The following DHRS4 variants were observed in gnomAD, a reference collection of about 807,000 sequenced individuals.
The protein encoded by DHRS4 is dehydrogenase/reductase SDR family member 4.
DHRS4 carries 20 observed loss-of-function variants against 28.4 expected under a neutral mutation model. The observed-to-expected ratio is 0.71, with a 90% CI of 0.50 to 1.02. DHRS4 has a LOEUF of 1.02. DHRS4 is among the 50% of genes least tolerant of loss of function. The pLI is 0.00. For missense variants in DHRS4, 378 were observed against 367.2 expected, an observed-to-expected ratio of 1.03 and a Z score of -0.24; for synonymous variants, 144 against 146.4, an observed-to-expected ratio of 0.98 and a Z score of 0.12.
At chr14:23,963,284 G>T (rs139045649) in intron 3 of DHRS4, among the ~76,000 whole-genome samples, 1 of 111,558 alleles carries the variant, frequency 9.0e-6, no homozygotes, top group Non-Finnish European at 1.7e-5. Context: ...CTCCTCTCTA[G>T]CTATTAAAGC....
Position 23,965,764 on chromosome 14 carries a change from T to C in DHRS4, c.411T>C (p.Thr137=). ...MDVTEEVWDK[T]LDINVKAPAL... is the part of the protein sequence containing the mutation. ...TCCCCTTCTTCTCTTGGCTTCAGACTCTGGACATTAATGTGAAGGCCCCAG... is the reference window on the plus strand; with the variant it reads ...TCCCCTTCTTCTCTTGGCTTCAGACCCTGGACATTAATGTGAAGGCCCCAG... Residue 137 remains threonine, a splice_region_variant and synonymous_variant, in exon 4 of 8, where the codon ACT becomes ACC. Coordinates refer to ENST00000313250, the MANE Select transcript of DHRS4 (RefSeq NM_021004.4). 1 of 1,601,698 alleles carries C rather than the reference T, an allele frequency of 6.2e-7. No homozygotes were observed. The highest frequency in any genetic ancestry group is 8.5e-7 in the Non-Finnish European group (1 of 1,172,178).
At chr14:23,964,946 A>G (rs2138469765) in intron 3 of DHRS4, among the ~76,000 whole-genome samples, 1 of 149,786 alleles carries the variant, frequency 6.7e-6, no homozygotes, top group Non-Finnish European at 1.5e-5. Flanking sequence ...ATTTTATTAT[A>G]TAAAATCTTT....
In DHRS4 at chr14:23,966,041, C is replaced by A; in HGVS notation, c.531+58C>A. 9 of 1,607,878 alleles carry A rather than the reference C, an allele frequency of 5.6e-6. No individual in the cohort carries two copies. The Admixed American group carries it at 1.0e-4, about 18-fold the overall frequency. On this transcript the variant is annotated intron_variant, in intron 5 of 7. Transcript: ENST00000313250. ...ACCCTCCACTCCACATCTTTCCACC[C>A]CTCCTATTACCCAAGGAAGTTTGTG...
intron 2 of DHRS4, among the ~76,000 whole-genome samples, chr14:23,956,327 A>G (rs192690455): frequency 0.013 from 1,932 of 152,294 alleles, 45 homozygotes; most frequent in African/African-American, 0.044. Context: ...ATCCTCCCGG[A>G]AAAACATCCT....
At chr14:23,956,330 A>T (rs973950602) in intron 2 of DHRS4, among the ~76,000 whole-genome samples, 23 of 152,212 alleles carry the variant, frequency 1.5e-4, no homozygotes, top group African/African-American at 5.5e-4. Context: ...CTCCCGGAAA[A>T]ACATCCTGTG....
Position 23,953,861 on chromosome 14 carries a change from AC to A in DHRS4, c.76del (p.Arg26AlafsTer12). 3 of 1,611,594 alleles carry A rather than the reference AC, an allele frequency of 1.9e-6. No homozygotes were observed. The highest frequency in any genetic ancestry group is 1.7e-6 in the Non-Finnish European group (2 of 1,178,964). On this transcript the variant is annotated frameshift_variant, in exon 1 of 8. Coordinates refer to ENST00000313250, the MANE Select transcript of DHRS4 (RefSeq NM_021004.4). LOFTEE classifies it high-confidence loss of function. ...NSVRMASSGM[T>X]RRDPLANKVA... ...GGTGCGGATGGCCAGCTCCGGGATGACCCGCCGGGACCCGCTCGCAAATAAG... is the reference window on the plus strand; with the variant it reads ...GGTGCGGATGGCCAGCTCCGGGATGACCGCCGGGACCCGCTCGCAAATAAG...
rs928674946 is a variant in DHRS4, at chr14:23,961,794, T to A, written c.408+1791T>A. 2.9e-5 allele frequency among the ~76,000 whole-genome samples: 4 copies of A among 137,100 alleles called. 1 individual carries two copies. The East Asian group carries it at 9.5e-4, about 33-fold the overall frequency. 89.9% of individuals were successfully genotyped at this position (137,100 alleles called of 152,430 possible). A position where few individuals can be genotyped will look rare whatever the true frequency, so the allele number is the denominator to read the frequency against. ...CCCCAAAATATTGGGATTGCAGGCA[T>A]GAGCCACCACACACAGCCAGATTCT... is the stretch of plus-strand genomic sequence containing the variant. On this transcript the variant is annotated intron_variant, in intron 3 of 7. Transcript: ENST00000313250.
chr14:23,966,175 C>T lies in DHRS4; in HGVS notation c.532-108C>T. On this transcript the variant is annotated intron_variant, in intron 5 of 7. Transcript: ENST00000313250. Reference sequence around the variant, plus strand: ...GCCACAAGACAGTTCCCTAACTCTGCCCCTCCCTTACAGGAGATCCCTATT... The same window carrying T: ...GCCACAAGACAGTTCCCTAACTCTGTCCCTCCCTTACAGGAGATCCCTATT... The T allele has an allele frequency of 4.4e-6, 7 of 1,574,190 alleles. No homozygotes were observed. In the South Asian group the frequency reaches 7.2e-5, roughly 16 times the overall value.
At chr14:23,966,554 C>G in intron 6 of DHRS4, 137 bp downstream of exon 6, 1 of 1,387,434 alleles carries the variant, frequency 7.2e-7, no homozygotes, top group South Asian at 1.4e-5. Context: ...TATTCCCTCT[C>G]TGTACCACCT....
rs199511608 is a variant in DHRS4, at chr14:23,969,048, T to C, written c.*177T>C. The C allele has an allele frequency of 2.9e-4, 386 of 1,321,770 alleles. 1 individual carries two copies. Among genetic ancestry groups the C allele is most frequent in the East Asian group, 1.6e-3 (60 of 37,696 alleles). 81.9% of individuals were successfully genotyped at this position (1,321,770 alleles called of 1,614,324 possible). On this transcript the variant is annotated 3_prime_UTR_variant, in exon 8 of 8. Transcript: ENST00000313250. ...TCAAGGTGGCGTCTTACTCGGGATT[T>C]CTGCTGTTGTTGTGGCCTTGGGTAA...
intron 3 of DHRS4, among the ~76,000 whole-genome samples, chr14:23,962,847 G>A (rs915945512): frequency 2.7e-5 from 4 of 149,408 alleles, no homozygotes; most frequent in African/African-American, 1.0e-4. Context: ...CTTACAAAAT[G>A]TATTTCTTAA....
At position 23,968,858 on chromosome 14, in the gene DHRS4, C is replaced by A. The variant is rs1390784464; in HGVS notation, c.824C>A (p.Pro275Gln). The change falls in exon 8 of 8, where the codon CCG becomes CAG. Residue 275 changes from proline to glutamine, a missense_variant. By Grantham distance (76) the Pro-to-Gln change is moderately conservative (BLOSUM62 -1). Transcript: ENST00000313250. The part of the protein sequence containing the change: ...GETVVVGGGT[P>Q]SRL ...ACAGTGGTGGTGGGTGGAGGAACCC[C>A]GTCCCGCCTCTGAGGACCGGGAGAC... The A allele has an allele frequency of 6.2e-7, 1 of 1,607,274 alleles. No individual in the cohort carries two copies. The highest frequency in any genetic ancestry group is 8.5e-7 in the Non-Finnish European group (1 of 1,177,014).
intron 3 of DHRS4, among the ~76,000 whole-genome samples, chr14:23,964,895 T>C (rs1159647995): frequency 3.2e-4 from 48 of 151,296 alleles, no homozygotes; most frequent in Non-Finnish European, 1.2e-4. Flanking sequence ...GTTTTTTTTT[T>C]TTAATTTACA....
rs1448106141 is a variant in DHRS4 at position 23,969,152 on chromosome 14, G to T, written c.*281G>T. The T allele has an allele frequency of 2.2e-6, 1 of 448,288 alleles. No homozygotes were observed. Among genetic ancestry groups the T allele is most frequent in the Admixed American group, 4.5e-5 (1 of 22,456 alleles). 27.8% of individuals were successfully genotyped at this position (448,288 alleles called of 1,614,324 possible). Reference sequence around the variant, plus strand: ...GGCAAAGACCAAGATATTTTTTCCCGGGCCACTGGGGAATCTGAGGGGTGA... The same window carrying T: ...GGCAAAGACCAAGATATTTTTTCCCTGGCCACTGGGGAATCTGAGGGGTGA... On this transcript the variant is annotated 3_prime_UTR_variant, in exon 8 of 8. Transcript: ENST00000313250.
chr14:23,968,716 G>A (rs1473705679), intron 7 of DHRS4, 41 bp from the exon 8 acceptor site: 3 of 1,603,356 alleles, frequency 1.9e-6, no homozygotes, highest in South Asian at 2.2e-5. Context: ...AGGCAGAACT[G>A]TTTGATTTTT....
intron 3 of DHRS4, among the ~76,000 whole-genome samples, chr14:23,962,293 CT>C: frequency 9.0e-6 from 1 of 111,658 alleles, no homozygotes; most frequent in African/African-American, 3.3e-5. Flanking sequence ...TTGACTCTTC[CT>C]TTCACAAGAG....
rs2033343264 is a variant in DHRS4 at position 23,959,972 on chromosome 14, T to A, written c.377T>A (p.Ile126Lys). Reference protein sequence around the residue: ...NAAVNPFFGSIMDVTEEVWDK... With the variant: ...NAAVNPFFGSKMDVTEEVWDK... Reference sequence around the variant, plus strand: ...GCTGTCAACCCTTTCTTTGGAAGCATAATGGATGTCACTGAGGAGGTGTGG... The same window carrying A: ...GCTGTCAACCCTTTCTTTGGAAGCAAAATGGATGTCACTGAGGAGGTGTGG... Residue 126 changes from isoleucine (I) to lysine (K), a missense_variant, in exon 3 of 8, where the codon ATA becomes AAA. Ile to Lys is a moderately radical substitution (Grantham distance 102). Coordinates refer to ENST00000313250, the MANE Select transcript of DHRS4 (RefSeq NM_021004.4). The A allele has an allele frequency of 6.2e-7, 1 of 1,608,204 alleles. No homozygotes were observed. The highest frequency in any genetic ancestry group is 1.7e-5 in the Admixed American group (1 of 59,486).
chr14:23,958,430 G>A (rs186414658), intron 2 of DHRS4, among the ~76,000 whole-genome samples: 31 of 152,216 alleles, frequency 2.0e-4, no homozygotes, highest in East Asian at 1.7e-3. Context: ...CGGAAAGTCT[G>A]GTTTCAGGGT....
At position 23,969,133 on chromosome 14, in the gene DHRS4, G is replaced by A. The variant is rs1228929238; in HGVS notation, c.*262G>A. 2 of 491,658 alleles carry A rather than the reference G, an allele frequency of 4.1e-6. No individual in the cohort carries two copies. Among genetic ancestry groups the A allele is most frequent in the Admixed American group, 8.5e-5 (2 of 23,410 alleles). The allele number at this position is 491,658 out of a possible 1,614,324, so 30.5% of individuals were successfully genotyped here. On this transcript the variant is annotated 3_prime_UTR_variant, in exon 8 of 8. Transcript: ENST00000313250. ...ACAAGGCTGAGTCTACCTTGGCAAA[G>A]ACCAAGATATTTTTTCCCGGGCCAC... is the stretch of plus-strand genomic sequence containing the variant.
Sources: gnomAD v4.1 joint callset for allele counts (sites outside exome capture counted in the v4.1 genomes callset) on GRCh38, gnomAD v4.1.1 for gene constraint, MANE v1.5 for transcripts, NCBI Gene and HGNC (gene_info 2026-07-23, HGNC 2026-07-21) for gene names.